Variants in PRR14L observed in about 807,000 individuals in gnomAD.
The protein encoded by PRR14L is proline rich 14 like.
PRR14L carries 80 observed loss-of-function variants against 155.0 expected under a neutral mutation model. That is an observed-to-expected ratio of 0.52 (90% confidence interval 0.43 to 0.62). The LOEUF is 0.62. PRR14L is among the 20% of genes least tolerant of loss of function. The pLI, the probability that PRR14L is intolerant of heterozygous loss-of-function variation, is 0.00. For missense variants in PRR14L, 2,469 were observed against 2,548.0 expected (o/e 0.97, Z 0.67); for synonymous variants, 883 against 916.0 (o/e 0.96, Z 0.65).
rs376333486 is a variant in PRR14L, at chr22:31,740,652, T to C, written c.-51-1741A>G. ...CTGGGATTATAGGCACAAGTCACCA[T>C]GCCTGACCCACACTTTCATTCTTGA... On this transcript the variant is annotated intron_variant, in intron 1 of 8. Coordinates refer to ENST00000327423, the MANE Select transcript of PRR14L (RefSeq NM_173566.3). 3.2e-4 allele frequency among the ~76,000 whole-genome samples: 49 copies of C among 152,252 alleles called. No individual in the cohort carries two copies. In the East Asian group the frequency reaches 6.6e-3, roughly 20 times the overall value.
chr22:31,733,904 CCACA>C (rs201258835), intron 2 of PRR14L, among the ~76,000 whole-genome samples: 1 of 150,078 alleles, frequency 6.7e-6, no homozygotes, highest in African/African-American at 2.4e-5. Context: ...ACCACCACCA[CCACA>C]CACACACACA....
intron 5 of PRR14L, 28 bp downstream of exon 5, chr22:31,704,627 A>G (rs552756248): frequency 3.4e-5 from 54 of 1,592,988 alleles, no homozygotes; most frequent in Admixed American, 1.3e-4. Context: ...GCACACGCGC[A>G]CACACACGCT....
At chr22:31,689,859 G>A (rs1221921520) in intron 7 of PRR14L, among the ~76,000 whole-genome samples, 1 of 152,076 alleles carries the variant, frequency 6.6e-6, no homozygotes, top group East Asian at 1.9e-4. Flanking sequence ...CGATTCTCCT[G>A]CCCAGCCTCC....
At position 31,716,703 on chromosome 22, in the gene PRR14L, C is replaced by A; in HGVS notation, c.1136G>T (p.Ser379Ile). The part of the protein sequence containing the change: ...LLKRSAEKTD[S>I]SYFYRGDDQG... Reference sequence around the variant, plus strand: ...ATCATCCCCCCTATAAAAATAAGAACTGTCTGTCTTTTCAGCAGATCTCTT... The same window carrying A: ...ATCATCCCCCCTATAAAAATAAGAAATGTCTGTCTTTTCAGCAGATCTCTT... The change falls in exon 4 of 9, where the codon AGT (serine) becomes ATT (isoleucine). Residue 379 changes from serine (S) to isoleucine (I), a missense_variant. Physicochemically the swap from Ser to Ile is moderately radical, Grantham distance 142. Around this residue, in one of 2 missense-constraint regions of PRR14L, gnomAD observed 2,363 missense variants for 2,371.6 expected, o/e 1.00. Coordinates refer to ENST00000327423, the MANE Select transcript of PRR14L (RefSeq NM_173566.3). 1.3e-6 allele frequency: 2 copies of A among 1,551,764 alleles called. No individual in the cohort carries two copies. The highest frequency in any genetic ancestry group is 1.7e-6 in the Non-Finnish European group (2 of 1,147,020).
At chr22:31,706,027 A>G (rs1350227523) in intron 4 of PRR14L, among the ~76,000 whole-genome samples, 2 of 145,696 alleles carry the variant, frequency 1.4e-5, no homozygotes, top group East Asian at 4.3e-4. Flanking sequence ...AAAACAACAT[A>G]GCTATATAGA....
In PRR14L at chr22:31,712,821, T is replaced by A; in HGVS notation, c.5018A>T (p.Tyr1673Phe). ...CTTATCCCATCCACTAGCTGCCAAA[T>A]ATGGATTCAGCTGCTCTGTGCTGGA... The part of the protein sequence containing the change: ...FSSSTEQLNP[Y>F]LAASGWDKRP... The change falls in exon 4 of 9, where the codon TAT (tyrosine) becomes TTT (phenylalanine). Residue 1673 changes from tyrosine to phenylalanine, a missense_variant. Physicochemically the swap from Tyr to Phe is conservative, Grantham distance 22. Coordinates refer to ENST00000327423, the MANE Select transcript of PRR14L (RefSeq NM_173566.3). 1.3e-6 allele frequency: 2 copies of A among 1,552,148 alleles called. No homozygotes were observed. Among genetic ancestry groups the A allele is most frequent in the Non-Finnish European group, 1.7e-6 (2 of 1,147,098 alleles).
At position 31,713,146 on chromosome 22, in the gene PRR14L, G is replaced by C. The variant is rs923194718; in HGVS notation, c.4693C>G (p.Leu1565Val). 1.9e-6 allele frequency: 3 copies of C among 1,551,840 alleles called. No homozygotes were observed. Among genetic ancestry groups the C allele is most frequent in the Non-Finnish European group, 2.6e-6 (3 of 1,146,952 alleles). ...NPIPTKAHRL[L>V]SLCTLSAPTR... ...GGTGCAGACAGAGTACACAAACTGAGAAGTCTGTGCGCTTTTGTGGGGATG... is the reference window on the plus strand; with the variant it reads ...GGTGCAGACAGAGTACACAAACTGACAAGTCTGTGCGCTTTTGTGGGGATG... The change falls in exon 4 of 9, where the codon CTC becomes GTC. Residue 1565 changes from leucine to valine, a missense_variant. Leu to Val is a conservative substitution (Grantham distance 32). Around this residue, in one of 2 missense-constraint regions of PRR14L, gnomAD observed 2,363 missense variants for 2,371.6 expected, o/e 1.00. Coordinates refer to ENST00000327423, the MANE Select transcript of PRR14L (RefSeq NM_173566.3).
intron 1 of PRR14L, among the ~76,000 whole-genome samples, chr22:31,743,148 A>G (rs2074821250): frequency 6.6e-6 from 1 of 152,136 alleles, no homozygotes; most frequent in African/African-American, 2.4e-5. Flanking sequence ...TAAAAATACA[A>G]AAAATCAGCT....
rs887844762 is a variant in PRR14L, at chr22:31,713,361, C to T, written c.4478G>A (p.Arg1493Gln). Residue 1493 changes from arginine (R) to glutamine (Q), a missense_variant, in exon 4 of 9, where the codon CGG becomes CAG. Physicochemically the swap from Arg to Gln is conservative, Grantham distance 43. Coordinates refer to ENST00000327423, the MANE Select transcript of PRR14L (RefSeq NM_173566.3). ...CTSPCLLGAPRKAQDPSSAGC... is the reference protein window; with the variant it reads ...CTSPCLLGAPQKAQDPSSAGC... ...AGCAGAGGAGGGGTCTTGTGCTTTC[C>T]GAGGGGCACCAAGAAGGCAAGGACT... 1.7e-5 allele frequency: 27 copies of T among 1,551,948 alleles called. No homozygotes were observed. The Middle Eastern group carries it at 5.0e-4, about 29-fold the overall frequency.
At chr22:31,706,174 T>C (rs1268796730) in intron 4 of PRR14L, among the ~76,000 whole-genome samples, 23 of 150,524 alleles carry the variant, frequency 1.5e-4, no homozygotes, top group African/African-American at 2.4e-5. Flanking sequence ...TCTACAAAAA[T>C]ACAAAAACTA....
chr22:31,711,342 G>A (rs1243082546), intron 4 of PRR14L, among the ~76,000 whole-genome samples: 2 of 152,028 alleles, frequency 1.3e-5, no homozygotes, highest in Admixed American at 6.6e-5. Context: ...ATGGTGACAC[G>A]TGCCTGTAAT....
intron 8 of PRR14L, among the ~76,000 whole-genome samples, chr22:31,687,378 G>C (rs2074487587): frequency 7.4e-6 from 1 of 134,250 alleles, no homozygotes; most frequent in African/African-American, 2.8e-5. Context: ...TTCTGAGACA[G>C]AGTCTAGCTC....
At chr22:31,717,441 T>A (rs2074666640) in intron 3 of PRR14L, 150 bp from the exon 4 acceptor site, 1 of 643,576 alleles carries the variant, frequency 1.6e-6, no homozygotes, top group Admixed American at 3.3e-5. Flanking sequence ...TACCATTGAT[T>A]TTGTTCTTCT....
In PRR14L at chr22:31,715,062, A is replaced by G. The variant is rs757506135; in HGVS notation, c.2777T>C (p.Ile926Thr). 6.4e-7 allele frequency: 1 copy of G among 1,551,726 alleles called. No homozygotes were observed. The highest frequency in any genetic ancestry group is 1.2e-5 in the South Asian group (1 of 84,066). Reference sequence around the variant, plus strand: ...GTTTACAGTCTGGTTTAGTTCTTGTATAGCATGATCAGAGATGTTATACTT... The same window carrying G: ...GTTTACAGTCTGGTTTAGTTCTTGTGTAGCATGATCAGAGATGTTATACTT... ...FCKYNISDHA[I>T]QELNQTVNIP... The change falls in exon 4 of 9, where the codon ATA (isoleucine) becomes ACA (threonine). Residue 926 changes from isoleucine (I) to threonine (T), a missense_variant. Ile to Thr is a moderately conservative substitution (Grantham distance 89). This residue lies in a region of PRR14L where 2,363 missense variants were observed against 2,371.6 expected (regional missense o/e 1.00). Coordinates refer to ENST00000327423, the MANE Select transcript of PRR14L (RefSeq NM_173566.3).
intron 4 of PRR14L, among the ~76,000 whole-genome samples, chr22:31,706,661 G>T (rs1184180555): frequency 6.6e-6 from 1 of 151,954 alleles, no homozygotes; most frequent in Non-Finnish European, 1.5e-5. Context: ...TGACCTTGTG[G>T]TCTGCCTACC....
intron 4 of PRR14L, among the ~76,000 whole-genome samples, chr22:31,705,316 TACTG>T (rs1408990075): frequency 6.6e-6 from 1 of 152,212 alleles, no homozygotes; most frequent in Non-Finnish European, 1.5e-5. Context: ...CTCAGTTGTG[TACTG>T]ACTAATAAAA....
rs2074633852 is a variant in PRR14L at position 31,713,243 on chromosome 22, C to A, written c.4596G>T (p.Gln1532His). 6.4e-7 allele frequency: 1 copy of A among 1,552,060 alleles called. No individual in the cohort carries two copies. Among genetic ancestry groups the A allele is most frequent in the Non-Finnish European group, 8.7e-7 (1 of 1,147,088 alleles). The change falls in exon 4 of 9, where the codon CAG becomes CAT. Residue 1532 changes from glutamine to histidine, a missense_variant. Physicochemically the swap from Gln to His is conservative, Grantham distance 24. Transcript: ENST00000327423. ...TTTTTCTCCCAACAATGATTTGCTC[C>A]TGATAGGAAACTTTCTTACAAGTTC... ...PHRTCKKVSYQEQIIVGRKIG... is the reference protein window; with the variant it reads ...PHRTCKKVSYHEQIIVGRKIG...
Position 31,685,441 on chromosome 22 carries a change from A to T in PRR14L, c.*86T>A. On this transcript the variant is annotated 3_prime_UTR_variant, in exon 9 of 9. Coordinates refer to ENST00000327423, the MANE Select transcript of PRR14L (RefSeq NM_173566.3). ...AGGGCAAAATTAGGCAACCTTTTCC[A>T]AGGAGGTCCAAAAAAAAAAAAAAAA... 8.6e-7 allele frequency: 1 copy of T among 1,169,406 alleles called. No individual in the cohort carries two copies. The highest frequency in any genetic ancestry group is 1.7e-5 in the South Asian group (1 of 60,036). The allele number at this position is 1,169,406 out of a possible 1,614,324, so 72.4% of individuals were successfully genotyped here. A position where few individuals can be genotyped will look rare whatever the true frequency, so the allele number is the denominator to read the frequency against.
intron 1 of PRR14L, among the ~76,000 whole-genome samples, chr22:31,742,284 A>G (rs2074817072): frequency 6.6e-6 from 1 of 151,722 alleles, no homozygotes; most frequent in Non-Finnish European, 1.5e-5. Flanking sequence ...TTAATCCTTG[A>G]CTACTCTCTT....
Sources: gnomAD v4.1 joint callset for allele counts (sites outside exome capture counted in the v4.1 genomes callset) on GRCh38, gnomAD v4.1.1 for gene constraint, gnomAD v4.1.1 regional missense constraint, MANE v1.5 for transcripts, NCBI Gene and HGNC (gene_info 2026-07-23, HGNC 2026-07-21) for gene names.